Variants in CNTNAP5 observed in about 807,000 individuals in gnomAD.
CNTNAP5 encodes contactin-associated protein-like 5.
A neutral mutation model predicts 150.2 loss-of-function variants in CNTNAP5; 72 were observed. The ratio of observed to expected loss-of-function variants is 0.48; its 90% confidence interval spans 0.40 to 0.58. The LOEUF is 0.58. CNTNAP5 is among the 20% of genes least tolerant of loss of function. The pLI is 0.00. For synonymous variants in CNTNAP5, 672 were observed against 619.8 expected, an observed-to-expected ratio of 1.08 and a Z score of -1.25; for missense variants, 1,636 against 1,626.2, an observed-to-expected ratio of 1.01 and a Z score of -0.10.
chr2:124,232,210 A>G (rs1686640307), intron 2 of CNTNAP5, among the ~76,000 whole-genome samples: 1 of 152,200 alleles, frequency 6.6e-6, no homozygotes, highest in South Asian at 2.1e-4. Context: ...GAGCATGATT[A>G]TTAGTGACAT....
At chr2:124,866,908 T>A (rs1677645065) in intron 20 of CNTNAP5, among the ~76,000 whole-genome samples, 1 of 152,220 alleles carries the variant, frequency 6.6e-6, no homozygotes. Flanking sequence ...ATGACTTTGC[T>A]TTCTTATTTC....
intron 11 of CNTNAP5, 71 bp downstream of exon 11, chr2:124,563,394 T>C: frequency 1.1e-6 from 1 of 897,010 alleles, no homozygotes; most frequent in African/African-American, 1.7e-5. Context: ...AACTTCAGGA[T>C]GTATTTAGCA....
chr2:124,195,002 A>G (rs928985707), intron 1 of CNTNAP5, among the ~76,000 whole-genome samples: 1 of 152,012 alleles, frequency 6.6e-6, no homozygotes, highest in Non-Finnish European at 1.5e-5. Context: ...AACTACACCA[A>G]TAGAAAACTG....
chr2:124,541,179 A>ATGTTTTTTTTTTTTTTTTTTTTTTTT (rs1695373228), intron 10 of CNTNAP5, among the ~76,000 whole-genome samples: 3 of 83,082 alleles, frequency 3.6e-5, no homozygotes, highest in African/African-American at 4.7e-5. Context: ...CAAAATTCCG[A>ATGTTTTTTTTTTTTTTTTTTTTTTTT]TTTTTTTTTT....
intron 1 of CNTNAP5, among the ~76,000 whole-genome samples, chr2:124,159,092 C>T (rs1358082295): frequency 6.6e-6 from 1 of 152,202 alleles, no homozygotes; most frequent in Non-Finnish European, 1.5e-5. Flanking sequence ...AGTCCCTTAA[C>T]AGAACAATTG....
chr2:124,705,522 C>T (rs992537492), intron 13 of CNTNAP5, among the ~76,000 whole-genome samples: 2 of 145,776 alleles, frequency 1.4e-5, no homozygotes, highest in African/African-American at 4.9e-5. Context: ...AGAGAGACTC[C>T]ATCTCAAAAA....
intron 19 of CNTNAP5, 88 bp from the exon 20 acceptor site, chr2:124,865,218 T>C: frequency 9.3e-7 from 1 of 1,072,532 alleles, no homozygotes; most frequent in Non-Finnish European, 1.3e-6. Flanking sequence ...CCTGGGGCCC[T>C]AATAATCAAT....
At chr2:124,662,434 A>C (rs187860176) in intron 13 of CNTNAP5, among the ~76,000 whole-genome samples, 1 of 152,206 alleles carries the variant, frequency 6.6e-6, no homozygotes, top group Non-Finnish European at 1.5e-5. Flanking sequence ...ACCCTTGTAC[A>C]TGAGATCTGT....
At chr2:124,579,322 C>T (rs551760410) in intron 11 of CNTNAP5, among the ~76,000 whole-genome samples, 1 of 152,260 alleles carries the variant, frequency 6.6e-6, no homozygotes, top group African/African-American at 2.4e-5. Context: ...TTTATATTCT[C>T]CCATAAAAGT....
chr2:124,388,092 A>C (rs1690978430), intron 3 of CNTNAP5, among the ~76,000 whole-genome samples: 1 of 152,196 alleles, frequency 6.6e-6, no homozygotes. Context: ...TAGAGGATGA[A>C]AAGAAAAGAA....
intron 23 of CNTNAP5, among the ~76,000 whole-genome samples, chr2:124,913,043 T>TA (rs200939175): frequency 8.6e-4 from 130 of 152,020 alleles, no homozygotes; most frequent in East Asian, 4.9e-3. Context: ...GCCTCAGTTC[T>TA]AAAAAAAATT....
intron 1 of CNTNAP5, among the ~76,000 whole-genome samples, chr2:124,157,434 G>A (rs1347340966): frequency 6.7e-6 from 1 of 150,238 alleles, no homozygotes; most frequent in Non-Finnish European, 1.5e-5. Context: ...GAAACTGAAA[G>A]GCAAACTTTG....
At position 124,609,927 on chromosome 2, in the gene CNTNAP5, G is replaced by A. The variant is rs772470939; in HGVS notation, c.1876+7G>A. 1 of 1,611,888 alleles carries A rather than the reference G, an allele frequency of 6.2e-7. No homozygotes were observed. Among genetic ancestry groups the A allele is most frequent in the Admixed American group, 1.7e-5 (1 of 59,946 alleles). On this transcript the variant is annotated splice_region_variant and intron_variant, in intron 12 of 23. Coordinates refer to ENST00000682447, the MANE Select transcript of CNTNAP5 (RefSeq NM_001367498.1). ...GTGTACTGCAATATCACTGGTAAGGGTGCAGTAGCCCTACTCACACTTAAC... is the reference window on the plus strand; with the variant it reads ...GTGTACTGCAATATCACTGGTAAGGATGCAGTAGCCCTACTCACACTTAAC...
intron 11 of CNTNAP5, among the ~76,000 whole-genome samples, chr2:124,589,806 G>T (rs1696639650): frequency 6.6e-6 from 1 of 152,164 alleles, no homozygotes; most frequent in African/African-American, 2.4e-5. Flanking sequence ...ATGTAGACTT[G>T]CACAATCACT....
intron 19 of CNTNAP5, among the ~76,000 whole-genome samples, chr2:124,863,409 C>G (rs1677565324): frequency 6.6e-6 from 1 of 152,122 alleles, no homozygotes; most frequent in Non-Finnish European, 1.5e-5. Flanking sequence ...ATATGCTGCT[C>G]TTGGGAGCAG....
intron 3 of CNTNAP5, among the ~76,000 whole-genome samples, chr2:124,359,200 T>C (rs1690122480): frequency 6.6e-6 from 1 of 152,058 alleles, no homozygotes; most frequent in Non-Finnish European, 1.5e-5. Context: ...TCTCTTTTTT[T>C]CTTTATTAGT....
Position 124,527,346 on chromosome 2 carries a change from C to T in CNTNAP5, c.1539C>T (p.Cys513=). The T allele has an allele frequency of 1.2e-6, 2 of 1,613,578 alleles. No homozygotes were observed. Among genetic ancestry groups the T allele is most frequent in the South Asian group, 2.2e-5 (2 of 91,072 alleles). Residue 513 remains cysteine (C), a synonymous_variant, in exon 10 of 24, where the codon TGC becomes TGT. Transcript: ENST00000682447. ...ATCCCATTAAGGCTTTCCAAGGCTG[C>T]ATGAGGCTCATCTTTATTGATAACC... is the stretch of plus-strand genomic sequence containing the variant. The part of the protein sequence containing the change: ...CLNPIKAFQG[C]MRLIFIDNQP...
intron 13 of CNTNAP5, among the ~76,000 whole-genome samples, chr2:124,737,799 T>C (rs1014642651): frequency 1.3e-5 from 2 of 152,156 alleles, no homozygotes; most frequent in Admixed American, 6.5e-5. Flanking sequence ...TGTCGTCGAC[T>C]AGCTGAGTTA....
intron 1 of CNTNAP5, among the ~76,000 whole-genome samples, chr2:124,217,221 C>T (rs1470133929): frequency 6.7e-6 from 1 of 148,334 alleles, no homozygotes; most frequent in Non-Finnish European, 1.5e-5. Flanking sequence ...TTTAGTCTCT[C>T]ATTATATTTT....
Sources: allele counts gnomAD v4.1 joint callset (sites outside exome capture counted in the v4.1 genomes callset), GRCh38; gene constraint gnomAD v4.1.1; transcripts MANE v1.5; gene names NCBI Gene and HGNC (gene_info 2026-07-23, HGNC 2026-07-21).